The following FHIT variants were observed in gnomAD, a reference collection of about 807,000 sequenced individuals.
FHIT encodes the protein bis(5'-adenosyl)-triphosphatase.
Under a neutral mutation model 17.9 loss-of-function variants are expected in FHIT, and 19 were observed. That is an observed-to-expected ratio of 1.06 (90% CI 0.74 to 1.56). The LOEUF (loss-of-function observed/expected upper bound fraction) is 1.56. Ranked by LOEUF, FHIT falls within the 40% of genes most tolerant of loss-of-function variation. The pLI, the probability that FHIT is intolerant of heterozygous loss-of-function variation, is 0.00. For synonymous variants in FHIT, 81 were observed against 69.7 expected, an observed-to-expected ratio of 1.16 and a Z score of -0.81; for missense variants, 248 against 189.2, an observed-to-expected ratio of 1.31 and a Z score of -1.82.
chr3:60,026,798 T>C (rs1700757460), intron 5 of FHIT, among the ~76,000 whole-genome samples: 1 of 152,144 alleles, frequency 6.6e-6, no homozygotes, highest in Non-Finnish European at 1.5e-5. Flanking sequence ...GTTTACCTAA[T>C]GTTTAAATTA....
chr3:60,346,532 G>C (rs886763591), intron 5 of FHIT, among the ~76,000 whole-genome samples: 1 of 152,138 alleles, frequency 6.6e-6, no homozygotes. Flanking sequence ...GCCTGGAATC[G>C]ATCTATGAGA....
At chr3:60,212,006 A>T (rs1178816363) in intron 5 of FHIT, among the ~76,000 whole-genome samples, 1 of 152,214 alleles carries the variant, frequency 6.6e-6, no homozygotes, top group Admixed American at 6.5e-5. Context: ...CTGATTTGAG[A>T]TAATAGTACA....
chr3:61,087,307 G>A (rs1431370967), intron 2 of FHIT, among the ~76,000 whole-genome samples: 2 of 152,050 alleles, frequency 1.3e-5, no homozygotes, highest in African/African-American at 4.8e-5. Flanking sequence ...AACAAACTAA[G>A]AATATGTAAC....
chr3:60,286,892 G>A (rs537567937), intron 5 of FHIT, among the ~76,000 whole-genome samples: 1 of 152,182 alleles, frequency 6.6e-6, no homozygotes, highest in Admixed American at 6.5e-5. Context: ...CTTCACCCAA[G>A]CTCTTCCCTG....
chr3:60,549,139 T>G (rs2036464169), intron 4 of FHIT, among the ~76,000 whole-genome samples: 1 of 152,168 alleles, frequency 6.6e-6, no homozygotes. Flanking sequence ...AATTGTCAAC[T>G]CATACATAAG....
At chr3:60,009,355 C>A (rs569610439) in intron 7 of FHIT, among the ~76,000 whole-genome samples, 13 of 152,118 alleles carry the variant, frequency 8.5e-5, no homozygotes, top group East Asian at 1.9e-4. Flanking sequence ...GCATAACCTG[C>A]TGATTTAAAA....
chr3:60,896,289 C>T (rs1485074676), intron 3 of FHIT, among the ~76,000 whole-genome samples: 2 of 152,104 alleles, frequency 1.3e-5, no homozygotes, highest in African/African-American at 4.8e-5. Context: ...ATTTAGAAAG[C>T]AAGAGCTGGG....
intron 5 of FHIT, among the ~76,000 whole-genome samples, chr3:60,384,934 T>C (rs991094079): frequency 1.3e-5 from 2 of 152,182 alleles, no homozygotes; most frequent in African/African-American, 4.8e-5. Context: ...TTTCGCTCTA[T>C]ACAGTTTTAA....
chr3:60,426,509 C>G (rs1702672168), intron 5 of FHIT, among the ~76,000 whole-genome samples: 1 of 152,018 alleles, frequency 6.6e-6, no homozygotes, highest in African/African-American at 2.4e-5. Context: ...AAATGTTAGA[C>G]TCTTCTACAT....
At chr3:60,708,152 T>C (rs1326892857) in intron 4 of FHIT, among the ~76,000 whole-genome samples, 1 of 152,208 alleles carries the variant, frequency 6.6e-6, no homozygotes, top group Non-Finnish European at 1.5e-5. Context: ...AATTTTATCC[T>C]AGTAATTATG....
intron 8 of FHIT, among the ~76,000 whole-genome samples, chr3:59,856,611 A>C (rs1247932964): frequency 6.6e-6 from 1 of 152,256 alleles, no homozygotes. Flanking sequence ...CCAATATACA[A>C]GTAGCAGTGT....
chr3:60,959,043 AG>A (rs1709294955), intron 3 of FHIT, among the ~76,000 whole-genome samples: 1 of 152,248 alleles, frequency 6.6e-6, no homozygotes, highest in African/African-American at 2.4e-5. Flanking sequence ...TAACTTAAGC[AG>A]GTTTCCTTAC....
At chr3:59,916,881 C>T (rs1226474020) in intron 8 of FHIT, among the ~76,000 whole-genome samples, 3 of 152,090 alleles carry the variant, frequency 2.0e-5, no homozygotes, top group Non-Finnish European at 4.4e-5. Flanking sequence ...TGAGAGACAC[C>T]AAAGTTTTCA....
At chr3:61,215,936 A>G (rs1455557854) in intron 1 of FHIT, among the ~76,000 whole-genome samples, 1 of 152,028 alleles carries the variant, frequency 6.6e-6, no homozygotes, top group Non-Finnish European at 1.5e-5. Context: ...AAAACTAGCT[A>G]GCCATATGTA....
At chr3:59,923,354 T>A (rs2107196603) in intron 7 of FHIT, among the ~76,000 whole-genome samples, 1 of 150,838 alleles carries the variant, frequency 6.6e-6, no homozygotes, top group Admixed American at 6.6e-5. Context: ...GCACCGGAAA[T>A]GAGGTTGCCT....
intron 4 of FHIT, among the ~76,000 whole-genome samples, chr3:60,559,953 G>C (rs2036878426): frequency 6.6e-6 from 1 of 152,126 alleles, no homozygotes; most frequent in African/African-American, 2.4e-5. Flanking sequence ...GGCATGCCAG[G>C]CTGTTGGGGA....
At chr3:60,293,711 A>C (rs905376316) in intron 5 of FHIT, among the ~76,000 whole-genome samples, 2 of 152,150 alleles carry the variant, frequency 1.3e-5, no homozygotes, top group Non-Finnish European at 2.9e-5. Context: ...CCGAGGATTT[A>C]GGGAAAATCA....
intron 2 of FHIT, among the ~76,000 whole-genome samples, chr3:61,053,105 G>A (rs538466580): frequency 6.3e-4 from 96 of 152,218 alleles, no homozygotes; most frequent in African/African-American, 2.1e-3. Context: ...AGGTGCCCCC[G>A]CCTCCCATCC....
chr3:60,310,062 G>A (rs371377332), intron 5 of FHIT, among the ~76,000 whole-genome samples: 1 of 152,254 alleles, frequency 6.6e-6, no homozygotes, highest in South Asian at 2.1e-4. Flanking sequence ...CATGCAGGCA[G>A]AGCAGGCAGG....
Sources: allele counts gnomAD v4.1 joint callset (sites outside exome capture counted in the v4.1 genomes callset), GRCh38; gene constraint gnomAD v4.1.1; transcripts MANE v1.5; gene names NCBI Gene and HGNC (gene_info 2026-07-23, HGNC 2026-07-21).